The following TIAM1 variants were observed in gnomAD, a reference collection of about 807,000 sequenced individuals.
TIAM1 encodes rho guanine nucleotide exchange factor TIAM1.
TIAM1 carries 65 observed loss-of-function variants against 163.5 expected under a neutral mutation model. That is an observed-to-expected ratio of 0.40 (90% CI 0.33 to 0.49). TIAM1 has a LOEUF of 0.49. Ranked by LOEUF, TIAM1 falls within the 20% of genes least tolerant of loss-of-function variation. The pLI, the probability that TIAM1 is intolerant of heterozygous loss-of-function variation, is 0.77. For missense variants in TIAM1, 1,789 were observed against 2,044.7 expected (o/e 0.87, Z 2.41); for synonymous variants, 833 against 810.1 (o/e 1.03, Z -0.48).
intron 2 of TIAM1, among the ~76,000 whole-genome samples, chr21:31,380,894 C>T (rs892076199): frequency 1.3e-5 from 2 of 152,200 alleles, no homozygotes; most frequent in Non-Finnish European, 1.5e-5. Context: ...GTCCCAACCC[C>T]TTCACTCACA....
At chr21:31,520,089 G>A (rs2047528985) in intron 1 of TIAM1, among the ~76,000 whole-genome samples, 1 of 152,188 alleles carries the variant, frequency 6.6e-6, no homozygotes, top group Non-Finnish European at 1.5e-5. Context: ...CCAGCACTCT[G>A]GGAGGCTGAG....
intron 1 of TIAM1, among the ~76,000 whole-genome samples, chr21:31,502,927 T>C (rs1006068192): frequency 6.6e-6 from 1 of 152,058 alleles, no homozygotes. Context: ...GTTAGGATGA[T>C]GAAATTGACT....
intron 2 of TIAM1, among the ~76,000 whole-genome samples, chr21:31,401,242 T>C (rs921066851): frequency 6.6e-6 from 1 of 152,342 alleles, no homozygotes; most frequent in East Asian, 1.9e-4. Context: ...TAAATATTCA[T>C]TGGTGATGTC....
chr21:31,467,058 C>T (rs2147363384), intron 1 of TIAM1, among the ~76,000 whole-genome samples: 1 of 151,652 alleles, frequency 6.6e-6, no homozygotes, highest in South Asian at 2.1e-4. Context: ...AACAGAATTA[C>T]TAAACTACCC....
At chr21:31,124,803 A>G in intron 26 of TIAM1, 109 bp from the exon 27 acceptor site, 1 of 948,838 alleles carries the variant, frequency 1.1e-6, no homozygotes, top group Non-Finnish European at 1.5e-6. Flanking sequence ...CAAAGGCTAA[A>G]GACTGAGGCC....
intron 1 of TIAM1, among the ~76,000 whole-genome samples, chr21:31,555,232 G>A (rs1340990331): frequency 6.7e-6 from 1 of 148,340 alleles, no homozygotes; most frequent in Non-Finnish European, 1.5e-5. Flanking sequence ...ATAAAATGGA[G>A]TACTTAGAGA....
Position 31,339,223 on chromosome 21 carries a change from T to A in TIAM1, c.-189+20A>T. 1 of 397,868 alleles carries A rather than the reference T, an allele frequency of 2.5e-6. No homozygotes were observed. Among genetic ancestry groups the A allele is most frequent in the Non-Finnish European group, 4.4e-6 (1 of 225,796 alleles). 24.6% of individuals were successfully genotyped at this position (397,868 alleles called of 1,614,324 possible). A position where few individuals can be genotyped will look rare whatever the true frequency, so the allele number is the denominator to read the frequency against. ...AGCTTCAATCCTCATTCCCCAGCCT[T>A]TTGCAAACGCCACACTTACCCCATT... On this transcript the variant is annotated intron_variant, in intron 2 of 27. Coordinates refer to ENST00000541036, the MANE Select transcript of TIAM1 (RefSeq NM_001353694.2).
chr21:31,152,735 C>T lies in TIAM1; in HGVS notation c.3267G>A (p.Thr1089=), dbSNP rs143851539. 1.8e-5 allele frequency: 29 copies of T among 1,614,066 alleles called. No homozygotes were observed. In the African/African-American group the frequency reaches 2.8e-4, roughly 16 times the overall value. Reference sequence around the variant, plus strand: ...ATTCTACTTGAAACTCTACCATTTCCGTTAAATTTCCAAAAAGCACGTCAA... The same window carrying T: ...ATTCTACTTGAAACTCTACCATTTCTGTTAAATTTCCAAAAAGCACGTCAA... ...DELDVLFGNL[T]EMVEFQVEFL... Residue 1089 remains threonine (T), a synonymous_variant, in exon 19 of 28, where the codon ACG becomes ACA. Coordinates refer to ENST00000541036, the MANE Select transcript of TIAM1 (RefSeq NM_001353694.2).
intron 2 of TIAM1, among the ~76,000 whole-genome samples, chr21:31,368,337 T>C (rs2076533928): frequency 6.6e-6 from 1 of 151,928 alleles, no homozygotes; most frequent in Admixed American, 6.5e-5. Flanking sequence ...GCTTTCTTAA[T>C]AACCTTTTCT....
intron 6 of TIAM1, among the ~76,000 whole-genome samples, chr21:31,243,654 T>C (rs896573866): frequency 9.2e-5 from 14 of 152,216 alleles, no homozygotes; most frequent in African/African-American, 2.9e-4. Context: ...AAGATACATA[T>C]CTGAAAGACA....
intron 1 of TIAM1, among the ~76,000 whole-genome samples, chr21:31,513,605 A>G (rs1469395288): frequency 6.6e-6 from 1 of 152,174 alleles, no homozygotes; most frequent in Non-Finnish European, 1.5e-5. Context: ...ACCAGAATAT[A>G]CCTATATTGA....
At chr21:31,426,488 G>C (rs2043799591) in intron 2 of TIAM1, among the ~76,000 whole-genome samples, 1 of 152,172 alleles carries the variant, frequency 6.6e-6, no homozygotes, top group African/African-American at 2.4e-5. Context: ...TGGATTGGTT[G>C]CTTGATTGCA....
At chr21:31,299,454 A>G (rs1168792178) in intron 2 of TIAM1, among the ~76,000 whole-genome samples, 1 of 152,244 alleles carries the variant, frequency 6.6e-6, no homozygotes. Context: ...TTTGTTACGT[A>G]TGTTCAATTT....
chr21:31,478,245 T>C (rs1178807196), intron 1 of TIAM1, among the ~76,000 whole-genome samples: 1 of 152,228 alleles, frequency 6.6e-6, no homozygotes, highest in African/African-American at 2.4e-5. Flanking sequence ...AAATGGCAAA[T>C]TGCCTTAAAA....
rs1215751004 is a variant in TIAM1 at position 31,295,469 on chromosome 21, CAA to C, written c.-188-18563_-188-18562del. Among the ~76,000 whole-genome samples the C allele has an allele frequency of 2.3e-4, 15 of 66,010 alleles. 1 individual carries two copies. Among genetic ancestry groups the C allele is most frequent in the Admixed American group, 5.8e-4 (3 of 5,206 alleles). 43.3% of individuals were successfully genotyped at this position (66,010 alleles called of 152,430 possible). A position where few individuals can be genotyped will look rare whatever the true frequency, so the allele number is the denominator to read the frequency against. On this transcript the variant is annotated intron_variant, in intron 2 of 27. Coordinates refer to ENST00000541036, the MANE Select transcript of TIAM1 (RefSeq NM_001353694.2). The stretch of plus-strand genomic sequence containing the variant: ...TGGGTGACAGAGTGAGACTCCATCA[CAA>C]AAAAAAAAAAAAAAAAAAGGTCTTA...
At chr21:31,208,613 A>G (rs2146543913) in intron 11 of TIAM1, among the ~76,000 whole-genome samples, 1 of 152,336 alleles carries the variant, frequency 6.6e-6, no homozygotes, top group African/African-American at 2.4e-5. Context: ...ATTTATTTTT[A>G]GCATCCATGT....
At chr21:31,459,930 C>T (rs746824131) in intron 2 of TIAM1, among the ~76,000 whole-genome samples, 1 of 152,184 alleles carries the variant, frequency 6.6e-6, no homozygotes, top group East Asian at 1.9e-4. Context: ...GCCTGAGGTT[C>T]CATTATCTTC....
intron 2 of TIAM1, among the ~76,000 whole-genome samples, chr21:31,396,854 GA>G (rs2077081164): frequency 6.6e-6 from 1 of 152,002 alleles, no homozygotes; most frequent in African/African-American, 2.4e-5. Flanking sequence ...AGGAGGCTGA[GA>G]CAGGAGAATC....
chr21:31,302,179 A>G (rs958391614), intron 2 of TIAM1, among the ~76,000 whole-genome samples: 3 of 152,082 alleles, frequency 2.0e-5, no homozygotes, highest in African/African-American at 7.2e-5. Flanking sequence ...AAAAATGTAT[A>G]TATCTCCACT....
Sources: gnomAD v4.1 joint callset for allele counts (sites outside exome capture counted in the v4.1 genomes callset) on GRCh38, gnomAD v4.1.1 for gene constraint, MANE v1.5 for transcripts, NCBI Gene and HGNC (gene_info 2026-07-23, HGNC 2026-07-21) for gene names.